PCDHA13: variants seen among roughly 807,000 people sequenced by gnomAD.
PCDHA13 encodes the protein protocadherin alpha-13.
PCDHA13 carries 54 observed loss-of-function variants against 64.8 expected under a neutral mutation model. The ratio of observed to expected loss-of-function variants is 0.83; its 90% CI spans 0.67 to 1.04. The LOEUF (loss-of-function observed/expected upper bound fraction) is 1.04, where lower values mean the gene tolerates loss of function less well. PCDHA13 is among the 50% of genes least tolerant of loss of function. The probability of loss-of-function intolerance (pLI) is 0.00; values close to 1 mark genes in which losing one functional copy is unlikely to be tolerated. For synonymous variants in PCDHA13, 587 were observed against 564.4 expected, an observed-to-expected ratio of 1.04 and a Z score of -0.57; for missense variants, 1,248 against 1,254.3, an observed-to-expected ratio of 0.99 and a Z score of 0.08.
rs549880473 is a variant in PCDHA13, at chr5:140,972,926, T to C, written c.2395-6023T>C. Among the ~76,000 whole-genome samples the C allele has an allele frequency of 9.2e-5, 14 of 152,264 alleles. No individual in the cohort carries two copies. The East Asian group carries it at 2.7e-3, about 29-fold the overall frequency. On this transcript the variant is annotated intron_variant, in intron 1 of 3. Coordinates refer to ENST00000289272, the MANE Select transcript of PCDHA13 (RefSeq NM_018904.3). ...ATCCACCCGCCTTGGCCTCCCAAAG[T>C]GCTGGGATTACAGATGTGAGCCACC...
chr5:140,969,401 T>A, intron 1 of PCDHA13: 1 of 1,579,566 alleles, frequency 6.3e-7, no homozygotes, highest in Non-Finnish European at 8.6e-7. Flanking sequence ...ATCCTGTGAT[T>A]TGGCTTTATT....
intron 3 of PCDHA13, among the ~76,000 whole-genome samples, chr5:140,989,495 A>G (rs1408191575): frequency 6.6e-6 from 1 of 152,136 alleles, no homozygotes; most frequent in African/African-American, 2.4e-5. Context: ...AACAAGAAAG[A>G]CCTGCTTATA....
At chr5:141,000,391 CTCTCTATATATA>C (rs1452985170) in intron 3 of PCDHA13, among the ~76,000 whole-genome samples, 26 of 56,648 alleles carry the variant, frequency 4.6e-4, no homozygotes, top group Middle Eastern at 0.011. Flanking sequence ...CTCTCTCTCT[CTCTCTATATATA>C]TATATATATA....
intron 1 of PCDHA13, among the ~76,000 whole-genome samples, chr5:140,896,384 C>T (rs778057567): frequency 2.0e-5 from 3 of 152,172 alleles, no homozygotes; most frequent in Non-Finnish European, 4.4e-5. Flanking sequence ...TCTGCAACCT[C>T]ACCAGCATCT....
At chr5:140,976,718 C>A (rs2096728735) in intron 1 of PCDHA13, among the ~76,000 whole-genome samples, 1 of 152,096 alleles carries the variant, frequency 6.6e-6, no homozygotes, top group South Asian at 2.1e-4. Context: ...CATTATAGTT[C>A]ATTTATTTAA....
At chr5:140,990,109 T>C (rs2097374572) in intron 3 of PCDHA13, among the ~76,000 whole-genome samples, 1 of 151,886 alleles carries the variant, frequency 6.6e-6, no homozygotes, top group African/African-American at 2.4e-5. Context: ...AAACAGGAAA[T>C]TGAGAGCTCT....
chr5:140,996,659 T>C (rs2097736809), intron 3 of PCDHA13, among the ~76,000 whole-genome samples: 1 of 152,230 alleles, frequency 6.6e-6, no homozygotes, highest in Non-Finnish European at 1.5e-5. Context: ...GGGTGCAGGC[T>C]AGTTTTTGAA....
intron 1 of PCDHA13, among the ~76,000 whole-genome samples, chr5:140,909,449 A>G (rs1301796561): frequency 1.3e-5 from 2 of 152,218 alleles, no homozygotes; most frequent in African/African-American, 4.8e-5. Flanking sequence ...GTCATTCTCC[A>G]AGATCCATCT....
intron 1 of PCDHA13, chr5:140,967,558 C>G (rs1554229674): frequency 6.2e-7 from 1 of 1,614,050 alleles, no homozygotes; most frequent in South Asian, 1.1e-5. Flanking sequence ...CTTATCGCGT[C>G]CAGCTACGGG....
chr5:140,968,285 T>A, intron 1 of PCDHA13: 1 of 1,614,006 alleles, frequency 6.2e-7, no homozygotes, highest in Non-Finnish European at 8.5e-7. Flanking sequence ...GGTGACCTAC[T>A]CCCTTCTGGA....
intron 3 of PCDHA13, among the ~76,000 whole-genome samples, chr5:140,998,370 G>A (rs1321470929): frequency 2.6e-5 from 4 of 152,106 alleles, no homozygotes; most frequent in Admixed American, 1.3e-4. Flanking sequence ...TGCACACACC[G>A]TCTCTAGAAA....
rs143363926 is a variant in PCDHA13 at position 140,919,499 on chromosome 5, C to T, written c.2394+34837C>T. Among the ~76,000 whole-genome samples the T allele has an allele frequency of 1.8e-4, 27 of 152,124 alleles. No homozygotes were observed. In the East Asian group the frequency reaches 5.2e-3, roughly 29 times the overall value. ...TGGATTTATGTTTGTTATTTTACTCCTTTTTCTATATGTTTTAATTCTCTT... is the reference window on the plus strand; with the variant it reads ...TGGATTTATGTTTGTTATTTTACTCTTTTTTCTATATGTTTTAATTCTCTT... On this transcript the variant is annotated intron_variant, in intron 1 of 3. Coordinates refer to ENST00000289272, the MANE Select transcript of PCDHA13 (RefSeq NM_018904.3).
chr5:140,957,100 T>C (rs2095333217), intron 1 of PCDHA13, among the ~76,000 whole-genome samples: 1 of 152,328 alleles, frequency 6.6e-6, no homozygotes, highest in Non-Finnish European at 1.5e-5. Flanking sequence ...AATATTGCTA[T>C]GGACATGATT....
At chr5:140,981,284 G>A (rs1554242765) in intron 2 of PCDHA13, among the ~76,000 whole-genome samples, 4 of 152,094 alleles carry the variant, frequency 2.6e-5, no homozygotes, top group Non-Finnish European at 5.9e-5. Context: ...GTTTAAAAGG[G>A]TCCTCTAGTC....
At position 140,883,930 on chromosome 5, in the gene PCDHA13, C is replaced by T; in HGVS notation, c.1662C>T (p.Phe554=). 6.2e-7 allele frequency: 1 copy of T among 1,613,066 alleles called. No individual in the cohort carries two copies. The highest frequency in any genetic ancestry group is 2.2e-5 in the East Asian group (1 of 44,804). ...GCAGCAACGTGACGCTGCAGGTGTT[C>T]GTGCTGGACGAGAACGACAACGCTC... ...PLGSNVTLQV[F]VLDENDNAPA... Residue 554 remains phenylalanine, a synonymous_variant, in exon 1 of 4, where the codon TTC becomes TTT. Coordinates refer to ENST00000289272, the MANE Select transcript of PCDHA13 (RefSeq NM_018904.3).
chr5:140,898,321 G>T (rs370229202), intron 1 of PCDHA13, among the ~76,000 whole-genome samples: 1 of 151,946 alleles, frequency 6.6e-6, no homozygotes. Context: ...TTATGGTTTT[G>T]GGTCTAACGT....
intron 1 of PCDHA13, among the ~76,000 whole-genome samples, chr5:140,958,824 A>G (rs1008923744): frequency 5.9e-5 from 9 of 152,158 alleles, no homozygotes; most frequent in Admixed American, 5.9e-4. Context: ...TAATTTTTAT[A>G]TCTTAAAGTT....
intron 3 of PCDHA13, among the ~76,000 whole-genome samples, chr5:140,986,050 T>G (rs1221001446): frequency 6.6e-6 from 1 of 152,226 alleles, no homozygotes; most frequent in Non-Finnish European, 1.5e-5. Flanking sequence ...CACTGATGAA[T>G]TCTTTTGCTT....
intron 1 of PCDHA13, among the ~76,000 whole-genome samples, chr5:140,893,569 A>G (rs750933580): frequency 3.3e-5 from 5 of 152,120 alleles, no homozygotes; most frequent in Non-Finnish European, 7.4e-5. Flanking sequence ...GTACTTCCTC[A>G]GTTTTTGCTT....
Sources: allele counts gnomAD v4.1 joint callset (sites outside exome capture counted in the v4.1 genomes callset), GRCh38; gene constraint gnomAD v4.1.1; transcripts MANE v1.5; gene names NCBI Gene and HGNC (gene_info 2026-07-23, HGNC 2026-07-21).